The following NADSYN1 variants were observed in gnomAD, a reference collection of about 807,000 sequenced individuals.
NADSYN1 encodes the protein glutamine-dependent NAD(+) synthetase.
Under a neutral mutation model 99.3 loss-of-function variants are expected in NADSYN1, and 80 were observed. The ratio of observed to expected loss-of-function variants is 0.81; its 90% CI spans 0.67 to 0.97. The LOEUF (loss-of-function observed/expected upper bound fraction) is 0.97. Among genes scored for constraint, NADSYN1 ranks in the 50% least tolerant of loss-of-function variants. The pLI is 0.00. For missense variants in NADSYN1, 859 were observed against 948.5 expected, an observed-to-expected ratio of 0.91 and a Z score of 1.24; for synonymous variants, 385 against 372.1, an observed-to-expected ratio of 1.03 and a Z score of -0.40.
chr11:71,477,132 AT>A, intron 9 of NADSYN1: 1 of 1,128,664 alleles, frequency 8.9e-7, no homozygotes, highest in Non-Finnish European at 1.1e-6. Context: ...AGACCTGCCG[AT>A]CACCCCCGTC....
At chr11:71,496,374 C>T (rs1949818613) in intron 18 of NADSYN1, 1 of 152,260 alleles carries the variant, frequency 6.6e-6, no homozygotes, top group Non-Finnish European at 1.5e-5. Context: ...ACTGTTCCAC[C>T]TCAGATCATC....
chr11:71,475,852 G>A (rs562331045), intron 9 of NADSYN1, among the ~76,000 whole-genome samples: 1 of 152,218 alleles, frequency 6.6e-6, no homozygotes, highest in South Asian at 2.1e-4. Flanking sequence ...TGGGACTACA[G>A]ACCCATGCTG....
chr11:71,494,187 G>A (rs942355254), intron 18 of NADSYN1, among the ~76,000 whole-genome samples: 7 of 152,162 alleles, frequency 4.6e-5, no homozygotes, highest in East Asian at 1.9e-4. Context: ...CACCCAGAGC[G>A]GCTTCCAGTC....
Position 71,491,834 on chromosome 11 carries a change from C to T in NADSYN1, c.1695C>T (p.Ser565=), listed in dbSNP as rs1252903882. The change falls in exon 18 of 21, where the codon AGC becomes AGT. Residue 565 remains serine, a splice_region_variant and synonymous_variant. Coordinates refer to ENST00000319023, the MANE Select transcript of NADSYN1 (RefSeq NM_018161.5). ...CGACCTCTGTGTGTTTTGGCTGCAG[C>T]ATCCTGTTGGCGCCGGCCACCGCAG... ...IQRFQLPALQ[S]ILLAPATAEL... 1 of 1,613,966 alleles carries T rather than the reference C, an allele frequency of 6.2e-7. No homozygotes were observed. Among genetic ancestry groups the T allele is most frequent in the Admixed American group, 1.7e-5 (1 of 60,020 alleles).
chr11:71,485,447 A>T, intron 15 of NADSYN1, 95 bp from the exon 16 acceptor site: 1 of 946,032 alleles, frequency 1.1e-6, no homozygotes, highest in South Asian at 1.7e-5. Context: ...CTCCTAAGCT[A>T]TTTTAATTTT....
At chr11:71,462,349 C>T (rs1214620250) in intron 3 of NADSYN1, among the ~76,000 whole-genome samples, 1 of 152,208 alleles carries the variant, frequency 6.6e-6, no homozygotes, top group African/African-American at 2.4e-5. Flanking sequence ...CCCAGACATT[C>T]CTTTCTATTG....
At chr11:71,472,169 C>G (rs1219313555) in intron 5 of NADSYN1, among the ~76,000 whole-genome samples, 2 of 152,242 alleles carry the variant, frequency 1.3e-5, no homozygotes, top group Non-Finnish European at 2.9e-5. Context: ...TGTGACACAT[C>G]TCTCAGTAAA....
chr11:71,457,285 C>T (rs1317166277), intron 2 of NADSYN1, among the ~76,000 whole-genome samples: 1 of 152,252 alleles, frequency 6.6e-6, no homozygotes, highest in Admixed American at 6.5e-5. Flanking sequence ...TGGGCTTTTC[C>T]TCTTAGCAGA....
chr11:71,465,966 T>C (rs531612548), intron 5 of NADSYN1, among the ~76,000 whole-genome samples: 1 of 152,330 alleles, frequency 6.6e-6, no homozygotes, highest in Admixed American at 6.5e-5. Flanking sequence ...TGGTTCATTT[T>C]CTTAACTTTT....
chr11:71,479,278 T>TA (rs1337587908), intron 10 of NADSYN1: 2 of 150,506 alleles, frequency 1.3e-5, no homozygotes, highest in Admixed American at 6.6e-5. Context: ...TTTTTTTTTT[T>TA]AGAGACAGAG....
chr11:71,498,218 C>T (rs1262981466), intron 19 of NADSYN1, 134 bp from the exon 20 acceptor site: 2 of 1,007,368 alleles, frequency 2.0e-6, no homozygotes, highest in Non-Finnish European at 2.9e-6. Flanking sequence ...GCATCCCCCA[C>T]ACCTGCCATC....
At chr11:71,456,892 TG>T (rs1290000975) in intron 2 of NADSYN1, among the ~76,000 whole-genome samples, 2 of 152,212 alleles carry the variant, frequency 1.3e-5, no homozygotes, top group Non-Finnish European at 2.9e-5. Context: ...TTGTTCTTAC[TG>T]GTTAGAGGTC....
At chr11:71,455,002 T>G in intron 1 of NADSYN1, 108 bp from the exon 2 acceptor site, 8 of 729,956 alleles carry the variant, frequency 1.1e-5, no homozygotes, top group Non-Finnish European at 1.8e-5. Context: ...TTTTTGTTTG[T>G]TGTTTGTTTT....
intron 18 of NADSYN1, among the ~76,000 whole-genome samples, chr11:71,493,215 T>G (rs559240275): frequency 6.6e-6 from 1 of 152,336 alleles, no homozygotes; most frequent in African/African-American, 2.4e-5. Flanking sequence ...TCAACAGTGT[T>G]TTTTCTAGTT....
chr11:71,480,664 G>A, intron 10 of NADSYN1, 91 bp from the exon 11 acceptor site: 1 of 1,587,124 alleles, frequency 6.3e-7, no homozygotes, highest in Middle Eastern at 1.7e-4. Flanking sequence ...CGTTTCTGTG[G>A]CTGATGGAGT....
chr11:71,483,334 C>G (rs1206182654), intron 14 of NADSYN1, among the ~76,000 whole-genome samples: 1 of 152,130 alleles, frequency 6.6e-6, no homozygotes, highest in African/African-American at 2.4e-5. Context: ...CTGACCCACC[C>G]CAGTCTCAGA....
intron 3 of NADSYN1, chr11:71,460,332 T>C (rs896662220): frequency 6.6e-6 from 1 of 152,190 alleles, no homozygotes; most frequent in Non-Finnish European, 1.5e-5. Flanking sequence ...ATTCATTAGG[T>C]TTTCTTTTTT....
Position 71,490,796 on chromosome 11 carries a change from G to A in NADSYN1, c.1563-49G>A, listed in dbSNP as rs764036414. 10 of 1,604,312 alleles carry A rather than the reference G, an allele frequency of 6.2e-6. 1 individual carries two copies. The highest frequency in any genetic ancestry group is 5.5e-5 in the South Asian group (5 of 90,118). Reference sequence around the variant, plus strand: ...ACTCCCTGGCTGGCCAGGGTTGATGGAGTCTGCGGCCCCTTGGGAACCCGC... The same window carrying A: ...ACTCCCTGGCTGGCCAGGGTTGATGAAGTCTGCGGCCCCTTGGGAACCCGC... On this transcript the variant is annotated intron_variant, in intron 16 of 20. Coordinates refer to ENST00000319023, the MANE Select transcript of NADSYN1 (RefSeq NM_018161.5).
In NADSYN1 at chr11:71,474,287, C is replaced by G. The variant is rs897629289; in HGVS notation, c.667-108C>G. 4.1e-6 allele frequency: 6 copies of G among 1,456,974 alleles called. No homozygotes were observed. In the Admixed American group the frequency reaches 1.1e-4, roughly 26 times the overall value. 90.3% of individuals were successfully genotyped at this position (1,456,974 alleles called of 1,614,324 possible). On this transcript the variant is annotated intron_variant, in intron 8 of 20. Coordinates refer to ENST00000319023, the MANE Select transcript of NADSYN1 (RefSeq NM_018161.5). ...CGTTATCTCTGCGGTGGTGGGACCA[C>G]TCAGGATGACCTAGCGGGACTCGGC...
Sources: gnomAD v4.1 joint callset for allele counts (sites outside exome capture counted in the v4.1 genomes callset) on GRCh38, gnomAD v4.1.1 for gene constraint, MANE v1.5 for transcripts, NCBI Gene and HGNC (gene_info 2026-07-23, HGNC 2026-07-21) for gene names.